GPATCH11: variants seen among roughly 807,000 people sequenced by gnomAD.
The protein encoded by GPATCH11 is G patch domain-containing protein 11.
Under a neutral mutation model 44.8 loss-of-function variants are expected in GPATCH11, and 32 were observed. The observed-to-expected ratio is 0.71, with a 90% CI of 0.54 to 0.96. The LOEUF (loss-of-function observed/expected upper bound fraction) is 0.96. Among genes scored for constraint, GPATCH11 ranks in the 40% least tolerant of loss-of-function variants. The probability of loss-of-function intolerance (pLI) is 0.00; values close to 1 mark genes in which losing one functional copy is unlikely to be tolerated. For missense variants in GPATCH11, 324 were observed against 303.1 expected, an observed-to-expected ratio of 1.07 and a Z score of -0.51; for synonymous variants, 84 against 94.4, an observed-to-expected ratio of 0.89 and a Z score of 0.64.
intron 2 of GPATCH11, among the ~76,000 whole-genome samples, chr2:37,089,372 G>A (rs1673195501): frequency 6.6e-6 from 1 of 152,098 alleles, no homozygotes; most frequent in Non-Finnish European, 1.5e-5. Flanking sequence ...TTCAAGACCA[G>A]CCTGGCCAAC....
chr2:37,088,788 C>T (rs1673169992), intron 2 of GPATCH11, among the ~76,000 whole-genome samples: 1 of 152,332 alleles, frequency 6.6e-6, no homozygotes, highest in South Asian at 2.1e-4. Flanking sequence ...TCCCAAAGTG[C>T]TAGGATTACA....
intron 2 of GPATCH11, among the ~76,000 whole-genome samples, chr2:37,088,839 G>T (rs1673172069): frequency 6.6e-6 from 1 of 152,188 alleles, no homozygotes; most frequent in African/African-American, 2.4e-5. Flanking sequence ...GATTTTAAAT[G>T]TGCAGTGGGA....
chr2:37,090,993 T>G (rs1039586018), intron 4 of GPATCH11, among the ~76,000 whole-genome samples: 3 of 152,274 alleles, frequency 2.0e-5, no homozygotes, highest in Admixed American at 2.0e-4. Context: ...GTCTTAAAAC[T>G]GTTTTGCTCT....
intron 7 of GPATCH11, among the ~76,000 whole-genome samples, 178 bp from the exon 8 acceptor site, chr2:37,095,259 G>C (rs1673518522): frequency 6.6e-6 from 1 of 152,102 alleles, no homozygotes; most frequent in South Asian, 2.1e-4. Context: ...GAAATCTCAG[G>C]GTGGCTAATG....
chr2:37,095,234 T>C (rs1296281392), intron 7 of GPATCH11, among the ~76,000 whole-genome samples: 1 of 152,218 alleles, frequency 6.6e-6, no homozygotes, highest in African/African-American at 2.4e-5. Flanking sequence ...CTCCATTGTG[T>C]CTGGCAGACT....
At chr2:37,091,484 C>T (rs1191062718) in intron 4 of GPATCH11, among the ~76,000 whole-genome samples, 2 of 152,004 alleles carry the variant, frequency 1.3e-5, no homozygotes, top group African/African-American at 4.8e-5. Context: ...TCCTGGAGCC[C>T]ACAAGTTCGA....
At chr2:37,094,306 T>A (rs1450173638) in intron 7 of GPATCH11, 111 bp downstream of exon 7, 1 of 683,408 alleles carries the variant, frequency 1.5e-6, no homozygotes, top group East Asian at 2.9e-5. Flanking sequence ...TGCAAGATGT[T>A]TAGCAGCATC....
chr2:37,087,433 G>C (rs1261587634), intron 1 of GPATCH11, among the ~76,000 whole-genome samples: 2 of 152,176 alleles, frequency 1.3e-5, no homozygotes, highest in East Asian at 3.8e-4. Context: ...AGAACCTCAG[G>C]TTCCAGCCCC....
At chr2:37,087,024 A>G (rs1180197816) in intron 1 of GPATCH11, among the ~76,000 whole-genome samples, 1 of 152,182 alleles carries the variant, frequency 6.6e-6, no homozygotes, top group Non-Finnish European at 1.5e-5. Context: ...TTCATTCTTC[A>G]GACAAGATCC....
chr2:37,090,881 TAA>T (rs1429268470), intron 4 of GPATCH11, among the ~76,000 whole-genome samples, 159 bp downstream of exon 4: 3 of 152,138 alleles, frequency 2.0e-5, no homozygotes, highest in Non-Finnish European at 2.9e-5. Context: ...AGAAAAGAAA[TAA>T]GTTTTAGTGA....
In GPATCH11 at chr2:37,088,390, G is replaced by A. The variant is rs919064750; in HGVS notation, c.9G>A (p.Leu3=). The A allele has an allele frequency of 1.9e-5, 29 of 1,559,536 alleles. No individual in the cohort carries two copies. The highest frequency in any genetic ancestry group is 2.4e-5 in the Non-Finnish European group (27 of 1,139,772). The change falls in exon 2 of 9, where the codon TTG becomes TTA. Residue 3 remains leucine, a synonymous_variant. Transcript: ENST00000674370. MK[L]NMAEEEDYMS... is the part of the protein sequence containing the mutation. Reference sequence around the variant, plus strand: ...GTAGATACTATAGCCATATGAAGTTGAACATGGCAGAAGAAGAGGACTATA... The same window carrying A: ...GTAGATACTATAGCCATATGAAGTTAAACATGGCAGAAGAAGAGGACTATA...
chr2:37,090,717 A>C lies in GPATCH11; in HGVS notation c.323A>C (p.Lys108Thr), dbSNP rs999916580. The change falls in exon 4 of 9, where the codon AAA (lysine) becomes ACA (threonine). Residue 108 changes from lysine to threonine, a missense_variant. Lys to Thr is a moderately conservative substitution (Grantham distance 78, BLOSUM62 -1). Transcript: ENST00000674370. Reference sequence around the variant, plus strand: ...GTTGAACCAATTCCTCTCAATATCAAAACAGGTACGTAATTATTTTGGAGC... The same window carrying C: ...GTTGAACCAATTCCTCTCAATATCACAACAGGTACGTAATTATTTTGGAGC... ...GIVEPIPLNI[K>T]TGKSGIGHEA... is the part of the protein sequence containing the mutation. 7.0e-7 allele frequency: 1 copy of C among 1,433,224 alleles called. No individual in the cohort carries two copies. The highest frequency in any genetic ancestry group is 1.4e-5 in the African/African-American group (1 of 71,130). 88.8% of individuals were successfully genotyped at this position (1,433,224 alleles called of 1,614,324 possible).
chr2:37,086,763 C>T (rs531906865), intron 1 of GPATCH11, among the ~76,000 whole-genome samples: 1 of 152,318 alleles, frequency 6.6e-6, no homozygotes, highest in African/African-American at 2.4e-5. Context: ...CACACCACTG[C>T]ACTCCAGCCT....
intron 1 of GPATCH11, among the ~76,000 whole-genome samples, chr2:37,087,205 A>G (rs952987057): frequency 1.4e-4 from 21 of 152,238 alleles, no homozygotes; most frequent in African/African-American, 4.8e-4. Context: ...CTGGACATAG[A>G]GTACTATAAT....
At position 37,096,471 on chromosome 2, in the gene GPATCH11, A is replaced by G. The variant is rs1673590682; in HGVS notation, c.*208A>G. 2 of 527,850 alleles carry G rather than the reference A, an allele frequency of 3.8e-6. No individual in the cohort carries two copies. Among genetic ancestry groups the G allele is most frequent in the Non-Finnish European group, 6.7e-6 (2 of 297,958 alleles). 32.7% of individuals were successfully genotyped at this position (527,850 alleles called of 1,614,324 possible). ...ATTTCAGAACACAAGTATCACAGAG[A>G]TGGACAGTTACAATTTATTGCTATA... is the stretch of plus-strand genomic sequence containing the variant. On this transcript the variant is annotated 3_prime_UTR_variant, in exon 9 of 9. Coordinates refer to ENST00000674370, the MANE Select transcript of GPATCH11 (RefSeq NM_174931.4).
rs1022819816 is a variant in GPATCH11, at chr2:37,088,093, T to G, written c.-13-276T>G. ...CTGTAGAGAAAACGTCTGTGAGGAG[T>G]TTTATGGAGGAAGACTTGACAGCTT... On this transcript the variant is annotated intron_variant, in intron 1 of 8. Transcript: ENST00000674370. Among the ~76,000 whole-genome samples the G allele has an allele frequency of 2.6e-5, 4 of 151,412 alleles. 1 individual carries two copies. Among genetic ancestry groups the G allele is most frequent in the African/African-American group, 9.7e-5 (4 of 41,124 alleles).
chr2:37,090,785 A>T (rs1011988044), intron 4 of GPATCH11, 63 bp downstream of exon 4: 2 of 778,004 alleles, frequency 2.6e-6, no homozygotes, highest in African/African-American at 3.5e-5. Flanking sequence ...TCTACCACAT[A>T]TATTTGCTCA....
At chr2:37,092,368 A>G in intron 6 of GPATCH11, 113 bp downstream of exon 6, 1 of 187,960 alleles carries the variant, frequency 5.3e-6, no homozygotes, top group Non-Finnish European at 1.1e-5. Flanking sequence ...ATATTTATAT[A>G]TGTATTATAT....
intron 1 of GPATCH11, among the ~76,000 whole-genome samples, chr2:37,087,842 CT>C (rs1221613083): frequency 6.6e-6 from 1 of 152,210 alleles, no homozygotes; most frequent in Non-Finnish European, 1.5e-5. Context: ...GCAAAAGTGA[CT>C]GGTCCCCCAC....
Sources: allele counts gnomAD v4.1 joint callset (sites outside exome capture counted in the v4.1 genomes callset), GRCh38; gene constraint gnomAD v4.1.1; transcripts MANE v1.5; gene names NCBI Gene and HGNC (gene_info 2026-07-23, HGNC 2026-07-21).